The following FKBP5 variants were observed in gnomAD, a reference collection of about 807,000 sequenced individuals.
FKBP5 encodes the protein FKBP prolyl isomerase 5, also known as peptidyl-prolyl cis-trans isomerase FKBP5.
FKBP5 carries 23 observed loss-of-function variants against 50.5 expected under a neutral mutation model. The ratio of observed to expected loss-of-function variants is 0.46; its 90% CI spans 0.33 to 0.65. The LOEUF is 0.65. Ranked by LOEUF, FKBP5 falls within the 30% of genes least tolerant of loss-of-function variation. The pLI, the probability that FKBP5 is intolerant of heterozygous loss-of-function variation, is 0.02. For synonymous variants in FKBP5, 176 were observed against 190.6 expected, an observed-to-expected ratio of 0.92 and a Z score of 0.63; for missense variants, 411 against 553.1, an observed-to-expected ratio of 0.74 and a Z score of 2.58.
intron 2 of FKBP5, among the ~76,000 whole-genome samples, chr6:35,718,538 T>C (rs1419740535): frequency 6.6e-6 from 1 of 152,180 alleles, no homozygotes; most frequent in Non-Finnish European, 1.5e-5. Context: ...TGTGTGATTC[T>C]GAATAAGTCA....
At chr6:35,675,322 A>G (rs1765497654) in intron 1 of FKBP5, among the ~76,000 whole-genome samples, 1 of 152,218 alleles carries the variant, frequency 6.6e-6, no homozygotes, top group African/African-American at 2.4e-5. Flanking sequence ...CTACAGATAT[A>G]GCATTTTGGG....
At chr6:35,586,236 A>C in intron 8 of FKBP5, 2 of 985,048 alleles carry the variant, frequency 2.0e-6, no homozygotes, top group Non-Finnish European at 2.4e-6. Flanking sequence ...TTACATCTAG[A>C]GGTTTAAGAT....
chr6:35,594,725 T>A (rs1003699255), intron 6 of FKBP5, among the ~76,000 whole-genome samples: 2 of 152,232 alleles, frequency 1.3e-5, no homozygotes, highest in African/African-American at 2.4e-5. Flanking sequence ...TATGTAGTAC[T>A]ACGCAATGCA....
chr6:35,649,069 G>A (rs1256225859), intron 1 of FKBP5, among the ~76,000 whole-genome samples: 2 of 152,014 alleles, frequency 1.3e-5, no homozygotes, highest in African/African-American at 4.8e-5. Context: ...GGCTAATATG[G>A]TGAAACCCTG....
chr6:35,600,055 G>A (rs945886969), intron 5 of FKBP5, among the ~76,000 whole-genome samples: 2 of 152,150 alleles, frequency 1.3e-5, no homozygotes, highest in African/African-American at 4.8e-5. Flanking sequence ...TGTATAGCAT[G>A]TTATTGTACT....
intron 1 of FKBP5, among the ~76,000 whole-genome samples, chr6:35,677,148 A>G (rs1288859094): frequency 3.3e-5 from 5 of 152,188 alleles, no homozygotes; most frequent in African/African-American, 1.2e-4. Flanking sequence ...ATCTCGGCTC[A>G]CTGCAAGCTC....
At chr6:35,623,694 C>A (rs890445217) in intron 3 of FKBP5, among the ~76,000 whole-genome samples, 11 of 151,650 alleles carry the variant, frequency 7.3e-5, no homozygotes, top group African/African-American at 2.7e-4. Flanking sequence ...CTTAGCCTCC[C>A]AAGTAGCTGG....
In FKBP5 at chr6:35,581,676, C is replaced by T. The variant is rs1255414920; in HGVS notation, c.841-1455G>A. The T allele has an allele frequency of 2.4e-5, 24 of 985,286 alleles. No homozygotes were observed. In the East Asian group the frequency reaches 3.4e-4, roughly 14 times the overall value. The allele number at this position is 985,286 out of a possible 1,614,324, so 61.0% of individuals were successfully genotyped here. ...TGTGATTTTAAGGTAAATGAAAGCA[C>T]TGGGGAATCGCTGGTAAATACGCAA... On this transcript the variant is annotated intron_variant, in intron 8 of 10. Coordinates refer to ENST00000357266, the MANE Select transcript of FKBP5 (RefSeq NM_004117.4).
chr6:35,627,151 C>T (rs1374081829), intron 3 of FKBP5, among the ~76,000 whole-genome samples: 1 of 152,120 alleles, frequency 6.6e-6, no homozygotes, highest in Non-Finnish European at 1.5e-5. Context: ...GTTGTTTTCT[C>T]TTTTTTTAAC....
chr6:35,625,919 AC>A (rs1372376544), intron 3 of FKBP5, among the ~76,000 whole-genome samples: 1 of 151,458 alleles, frequency 6.6e-6, no homozygotes. Context: ...AGCTGGGACT[AC>A]AGGCGCTAGC....
chr6:35,600,170 C>T (rs1051214500), intron 5 of FKBP5, among the ~76,000 whole-genome samples: 1 of 152,168 alleles, frequency 6.6e-6, no homozygotes, highest in African/African-American at 2.4e-5. Context: ...GTCCTATGTG[C>T]AATCTGCTGT....
chr6:35,650,399 T>C lies in FKBP5; in HGVS notation c.-19-7556A>G, dbSNP rs147140544. On this transcript the variant is annotated intron_variant, in intron 1 of 10. Transcript: ENST00000357266. ...AGTGATGATTTGGTTATCTGGACCATTGAAAAAAAAAAAAGTCAGTTGATG... is the reference window on the plus strand; with the variant it reads ...AGTGATGATTTGGTTATCTGGACCACTGAAAAAAAAAAAAGTCAGTTGATG... Among the ~76,000 whole-genome samples the C allele has an allele frequency of 7.2e-3, 1,091 of 151,764 alleles. 12 individuals are homozygous for C. The highest frequency in any genetic ancestry group is 0.023 in the African/African-American group (939 of 41,370).
At chr6:35,596,470 G>A (rs1762985302) in intron 6 of FKBP5, among the ~76,000 whole-genome samples, 1 of 152,098 alleles carries the variant, frequency 6.6e-6, no homozygotes, top group Non-Finnish European at 1.5e-5. Context: ...CTACTGGCAA[G>A]TGCAGGTCAT....
chr6:35,672,847 G>C (rs964352608), intron 1 of FKBP5, among the ~76,000 whole-genome samples: 2 of 151,734 alleles, frequency 1.3e-5, no homozygotes, highest in Non-Finnish European at 2.9e-5. Context: ...GGAGAATGGC[G>C]TGAACCTGAG....
chr6:35,615,705 G>A (rs1386290723), intron 5 of FKBP5, among the ~76,000 whole-genome samples: 1 of 152,186 alleles, frequency 6.6e-6, no homozygotes, highest in East Asian at 1.9e-4. Flanking sequence ...AATAACTGTT[G>A]CAAGCAAAAA....
intron 1 of FKBP5, among the ~76,000 whole-genome samples, chr6:35,650,132 G>A (rs779738778): frequency 2.0e-5 from 3 of 152,064 alleles, no homozygotes; most frequent in Non-Finnish European, 2.9e-5. Context: ...GTCAAGGCTT[G>A]AGCCCAGGAG....
chr6:35,685,321 T>G (rs1211582560), intron 1 of FKBP5, among the ~76,000 whole-genome samples: 1 of 152,226 alleles, frequency 6.6e-6, no homozygotes, highest in African/African-American at 2.4e-5. Flanking sequence ...TAAGTGGTTA[T>G]TGTTTTAAAT....
rs1327867371 is a variant in FKBP5 at position 35,619,203 on chromosome 6, A to C, written c.401T>G (p.Leu134Arg). ...SNATLFFEIELLDFKGEDLFE... is the reference protein window; with the variant it reads ...SNATLFFEIERLDFKGEDLFE... ...TAAATCCTCTCCTTTGAAATCAAGG[A>C]GCTCAATCTAGAAAGAAAAAAGGAA... The change falls in exon 5 of 11, where the codon CTC becomes CGC. Residue 134 changes from leucine (L) to arginine (R), a missense_variant. Transcript: ENST00000357266. 6.2e-7 allele frequency: 1 copy of C among 1,609,374 alleles called. No homozygotes were observed. The highest frequency in any genetic ancestry group is 1.3e-5 in the African/African-American group (1 of 74,794).
chr6:35,723,244 A>G (rs1479031677), intron 1 of FKBP5, among the ~76,000 whole-genome samples: 3 of 151,940 alleles, frequency 2.0e-5, no homozygotes, highest in South Asian at 4.1e-4. Context: ...AAAAATAAAT[A>G]AATAAAATAA....
Sources: allele counts gnomAD v4.1 joint callset (sites outside exome capture counted in the v4.1 genomes callset), GRCh38; gene constraint gnomAD v4.1.1; transcripts MANE v1.5; gene names NCBI Gene and HGNC (gene_info 2026-07-23, HGNC 2026-07-21).